CACNA1S: variants seen among roughly 807,000 people sequenced by gnomAD.
The protein encoded by CACNA1S is calcium voltage-gated channel subunit alpha1 S.
CACNA1S carries 126 observed loss-of-function variants against 207.4 expected under a neutral mutation model. The ratio of observed to expected loss-of-function variants is 0.61; its 90% confidence interval spans 0.53 to 0.70. The LOEUF is 0.70. CACNA1S is among the 30% of genes least tolerant of loss of function. The pLI, the probability that CACNA1S is intolerant of heterozygous loss-of-function variation, is 0.00. For synonymous variants in CACNA1S, 960 were observed against 932.7 expected, an observed-to-expected ratio of 1.03 and a Z score of -0.53; for missense variants, 2,349 against 2,422.8, an observed-to-expected ratio of 0.97 and a Z score of 0.64.
At chr1:201,084,500 C>G (rs1423122298) in intron 9 of CACNA1S, among the ~76,000 whole-genome samples, 1 of 152,244 alleles carries the variant, frequency 6.6e-6, no homozygotes, top group East Asian at 1.9e-4. Flanking sequence ...AACAAACCCT[C>G]CTCTTAAGAC....
chr1:201,065,049 C>T (rs1661192210), intron 22 of CACNA1S, among the ~76,000 whole-genome samples: 1 of 152,108 alleles, frequency 6.6e-6, no homozygotes, highest in African/African-American at 2.4e-5. Context: ...GCTGTGGGGC[C>T]CTGGGAGGAG....
At position 201,051,150 on chromosome 1, in the gene CACNA1S, G is replaced by A; in HGVS notation, c.3954-7C>T. 2 of 1,614,158 alleles carry A rather than the reference G, an allele frequency of 1.2e-6. No individual in the cohort carries two copies. Among genetic ancestry groups the A allele is most frequent in the South Asian group, 2.2e-5 (2 of 91,084 alleles). On this transcript the variant is annotated splice_polypyrimidine_tract_variant and splice_region_variant and intron_variant, in intron 32 of 43. Coordinates refer to ENST00000362061, the MANE Select transcript of CACNA1S (RefSeq NM_000069.3). Reference sequence around the variant, plus strand: ...GGCCTCACCTGTTGCACACCTAGAGGACAGAAGAGGCTCCTGTCACCTATC... The same window carrying A: ...GGCCTCACCTGTTGCACACCTAGAGAACAGAAGAGGCTCCTGTCACCTATC...
chr1:201,048,077 A>T (rs1660527129), intron 36 of CACNA1S, among the ~76,000 whole-genome samples: 1 of 152,204 alleles, frequency 6.6e-6, no homozygotes, highest in South Asian at 2.1e-4. Context: ...GTGGGGATGG[A>T]CCTGATACAG....
chr1:201,069,312 G>T (rs542137191), intron 18 of CACNA1S, 116 bp from the exon 19 acceptor site: 13 of 1,415,782 alleles, frequency 9.2e-6, no homozygotes, highest in African/African-American at 8.4e-5. Flanking sequence ...AGCCTGTGCC[G>T]TTCAGAAGGA....
rs1663135258 is a variant in CACNA1S, at chr1:201,112,072, A to G, written c.152+116T>C. 4 of 973,148 alleles carry G rather than the reference A, an allele frequency of 4.1e-6. No individual in the cohort carries two copies. In the African/African-American group the frequency reaches 6.8e-5, roughly 17 times the overall value. The allele number at this position is 973,148 out of a possible 1,614,324, so 60.3% of individuals were successfully genotyped here. A position where few individuals can be genotyped will look rare whatever the true frequency, so the allele number is the denominator to read the frequency against. On this transcript the variant is annotated intron_variant, in intron 1 of 43. Transcript: ENST00000362061. ...TCACTCAATTCTGTGAGTTCACCCC[A>G]TGTCTAAGTGCCAGGCCTCCCTGGC...
chr1:201,039,521 T>A lies in CACNA1S; in HGVS notation c.*310A>T, dbSNP rs190783634. The A allele has an allele frequency of 1.9e-3, 913 of 476,440 alleles. 5 individuals carry two copies. Among genetic ancestry groups the A allele is most frequent in the African/African-American group, 0.016 (843 of 51,378 alleles). 29.5% of individuals were successfully genotyped at this position (476,440 alleles called of 1,614,324 possible). A position where few individuals can be genotyped will look rare whatever the true frequency, so the allele number is the denominator to read the frequency against. On this transcript the variant is annotated 3_prime_UTR_variant, in exon 44 of 44. Coordinates refer to ENST00000362061, the MANE Select transcript of CACNA1S (RefSeq NM_000069.3). ...GACAAGCAGAGGCCAGTTGCCAGTG[T>A]CACAGGCCTGGAGATTTTAATGTCC...
At chr1:201,107,278 C>A (rs1291814435) in intron 2 of CACNA1S, among the ~76,000 whole-genome samples, 1 of 152,258 alleles carries the variant, frequency 6.6e-6, no homozygotes, top group African/African-American at 2.4e-5. Flanking sequence ...CTTGTGTGAG[C>A]TGTCCCTGTC....
Position 201,048,607 on chromosome 1 carries a change from G to A in CACNA1S, c.4416C>T (p.Arg1472=). 1 of 1,613,920 alleles carries A rather than the reference G, an allele frequency of 6.2e-7. No individual in the cohort carries two copies. Among genetic ancestry groups the A allele is most frequent in the Non-Finnish European group, 8.5e-7 (1 of 1,179,952 alleles). The change falls in exon 36 of 44, where the codon CGC becomes CGT. Residue 1472 remains arginine (R), a synonymous_variant. Transcript: ENST00000362061. Reference sequence around the variant, plus strand: ...CTTCCGTCTTGATCTTGAGTGCCGTGCGGACCAGGGCAAAGAGTGTGGCAT... The same window carrying A: ...CTTCCGTCTTGATCTTGAGTGCCGTACGGACCAGGGCAAAGAGTGTGGCAT... ...TFNATLFALV[R]TALKIKTEGN... is the part of the protein sequence containing the mutation.
chr1:201,110,380 G>C, intron 1 of CACNA1S, 111 bp from the exon 2 acceptor site: 2 of 941,074 alleles, frequency 2.1e-6, no homozygotes, highest in South Asian at 1.4e-5. Flanking sequence ...CAGGCTGCTG[G>C]ACAGGCTCAT....
At chr1:201,094,961 C>A (rs1183531638) in intron 2 of CACNA1S, among the ~76,000 whole-genome samples, 1 of 152,082 alleles carries the variant, frequency 6.6e-6, no homozygotes, top group Non-Finnish European at 1.5e-5. Context: ...CTTGTCAGGA[C>A]TCCAGGCTGA....
chr1:201,074,438 G>T (rs1314865808), intron 14 of CACNA1S, 68 bp downstream of exon 14: 1 of 966,702 alleles, frequency 1.0e-6, no homozygotes. Context: ...GGGAGGCCCT[G>T]TCCAGAGCTG....
At chr1:201,069,808 C>T (rs1661388674) in intron 17 of CACNA1S, among the ~76,000 whole-genome samples, 1 of 152,138 alleles carries the variant, frequency 6.6e-6, no homozygotes, top group African/African-American at 2.4e-5. Flanking sequence ...CTTAGTTCCT[C>T]CTCCCAGCCA....
intron 7 of CACNA1S, among the ~76,000 whole-genome samples, 181 bp downstream of exon 7, chr1:201,087,645 G>A (rs548556047): frequency 1.8e-4 from 28 of 152,162 alleles, no homozygotes; most frequent in South Asian, 6.2e-4. Flanking sequence ...GGGATGAGCC[G>A]AGGGCCTGAC....
intron 13 of CACNA1S, among the ~76,000 whole-genome samples, chr1:201,074,969 T>C (rs3767508): frequency 0.72 from 109,660 of 152,102 alleles, 40,487 homozygotes; most frequent in East Asian, 0.96. Context: ...CCACTCCCCA[T>C]AGTATCACAT....
chr1:201,069,131 A>G lies in CACNA1S; in HGVS notation c.2550+6T>C. ...TCCCCAGGGCTGCCCCACAGCCTTCACTCACCTTGAGGACAATCTCCACAG... is the reference window on the plus strand; with the variant it reads ...TCCCCAGGGCTGCCCCACAGCCTTCGCTCACCTTGAGGACAATCTCCACAG... On this transcript the variant is annotated splice_donor_region_variant and intron_variant, in intron 19 of 43. Coordinates refer to ENST00000362061, the MANE Select transcript of CACNA1S (RefSeq NM_000069.3). The G allele has an allele frequency of 6.2e-7, 1 of 1,613,538 alleles. No homozygotes were observed. The highest frequency in any genetic ancestry group is 8.5e-7 in the Non-Finnish European group (1 of 1,179,530).
chr1:201,067,496 T>C (rs1661290079), intron 19 of CACNA1S, among the ~76,000 whole-genome samples: 1 of 152,196 alleles, frequency 6.6e-6, no homozygotes, highest in Non-Finnish European at 1.5e-5. Context: ...TCTCTAATAA[T>C]CTCCCATGCC....
At chr1:201,068,802 G>A (rs563310084) in intron 19 of CACNA1S, among the ~76,000 whole-genome samples, 42 of 152,272 alleles carry the variant, frequency 2.8e-4, no homozygotes, top group African/African-American at 9.9e-4. Context: ...AACCTGGGAG[G>A]TGGAGGTTGC....
chr1:201,090,708 T>G (rs1172389537), intron 5 of CACNA1S, among the ~76,000 whole-genome samples: 2 of 152,194 alleles, frequency 1.3e-5, no homozygotes, highest in Non-Finnish European at 2.9e-5. Flanking sequence ...AGACGTTAGT[T>G]GCCCATCTGT....
intron 27 of CACNA1S, 41 bp downstream of exon 27, chr1:201,059,148 A>T: frequency 7.6e-7 from 1 of 1,315,616 alleles, no homozygotes; most frequent in Non-Finnish European, 1.1e-6. Context: ...CCCACCCACC[A>T]GCCCCAGCTT....
Sources: allele counts gnomAD v4.1 joint callset (sites outside exome capture counted in the v4.1 genomes callset), GRCh38; gene constraint gnomAD v4.1.1; transcripts MANE v1.5; gene names NCBI Gene and HGNC (gene_info 2026-07-23, HGNC 2026-07-21).